The following SAFB variants were observed in gnomAD, a reference collection of about 807,000 sequenced individuals.
SAFB encodes scaffold attachment factor B1.
A neutral mutation model predicts 101.6 loss-of-function variants in SAFB; 15 were observed. That is an observed-to-expected ratio of 0.15 (90% CI 0.10 to 0.23). SAFB has a LOEUF of 0.23. Among genes scored for constraint, SAFB ranks in the 10% least tolerant of loss-of-function variants. SAFB has a pLI of 1.00. For synonymous variants in SAFB, 449 were observed against 407.5 expected (o/e 1.10, Z -1.23); for missense variants, 930 against 1,104.1 (o/e 0.84, Z 2.23).
At chr19:5,654,583 A>G (rs2054012262) in intron 13 of SAFB, 127 bp downstream of exon 13, 2 of 701,024 alleles carry the variant, frequency 2.9e-6, no homozygotes, top group Non-Finnish European at 5.1e-6. Flanking sequence ...AAATGTAGAA[A>G]TCTCAAACTA....
In SAFB at chr19:5,623,146, G is replaced by A. The variant is rs755959592; in HGVS notation, c.-60G>A. On this transcript the variant is annotated 5_prime_UTR_variant, in exon 1 of 21. Coordinates refer to ENST00000588852, the MANE Select transcript of SAFB (RefSeq NM_001201338.2). The stretch of plus-strand genomic sequence containing the variant: ...CGCAGGCGGCGCCATTTTGTGCTAG[G>A]AGCCTGATAAAACCGGCCCGGTTCT... 160 of 1,510,504 alleles carry A rather than the reference G, an allele frequency of 1.1e-4. No homozygotes were observed. Among genetic ancestry groups the A allele is most frequent in the Non-Finnish European group, 1.4e-4 (157 of 1,115,036 alleles). 93.6% of individuals were successfully genotyped at this position (1,510,504 alleles called of 1,614,324 possible). A position where few individuals can be genotyped will look rare whatever the true frequency, so the allele number is the denominator to read the frequency against.
intron 2 of SAFB, among the ~76,000 whole-genome samples, chr19:5,640,711 T>A (rs1369831223): frequency 6.6e-6 from 1 of 151,952 alleles, no homozygotes; most frequent in Non-Finnish European, 1.5e-5. Context: ...TGCCTCCGCC[T>A]CCTGAGTAGC....
chr19:5,625,266 C>T (rs2053333183), intron 1 of SAFB, among the ~76,000 whole-genome samples: 1 of 152,202 alleles, frequency 6.6e-6, no homozygotes, highest in Non-Finnish European at 1.5e-5. Flanking sequence ...GGAAACAGGA[C>T]ACCTGCCTAG....
chr19:5,655,550 ACT>A (rs1164402392), intron 13 of SAFB, among the ~76,000 whole-genome samples: 2 of 151,400 alleles, frequency 1.3e-5, no homozygotes, highest in African/African-American at 4.9e-5. Flanking sequence ...AACTGGGGAC[ACT>A]CTGAGAGCCA....
rs1568285972 is a variant in SAFB at position 5,667,998 on chromosome 19, C to CG, written c.2624+113dup. Reference sequence around the variant, plus strand: ...CTAGTGCCCCTCCCCCCAAGGGTGACGTGAGGCCAGGCATGGGGTACTGTG... The same window carrying CG: ...CTAGTGCCCCTCCCCCCAAGGGTGACGGTGAGGCCAGGCATGGGGTACTGTG... On this transcript the variant is annotated intron_variant, in intron 20 of 20. Coordinates refer to ENST00000588852, the MANE Select transcript of SAFB (RefSeq NM_001201338.2). The surrounding 1 kb of genome is among the most constrained non-coding windows in gnomAD (Gnocchi z 4.0). 15 of 1,420,226 alleles carry CG rather than the reference C, an allele frequency of 1.1e-5. No individual in the cohort carries two copies. Among genetic ancestry groups the CG allele is most frequent in the Non-Finnish European group, 1.3e-5 (14 of 1,046,264 alleles). The allele number at this position is 1,420,226 out of a possible 1,614,324, so 88.0% of individuals were successfully genotyped here.
At chr19:5,631,319 A>C (rs1198802854) in intron 2 of SAFB, among the ~76,000 whole-genome samples, 4 of 152,234 alleles carry the variant, frequency 2.6e-5, no homozygotes, top group African/African-American at 9.6e-5. Context: ...AGTTTTACCC[A>C]TTCTAGAACT....
Position 5,667,268 on chromosome 19 carries a change from C to T in SAFB, c.2454-79C>T. ...AGGGTGGGAAACACAGAGGGATTCA[C>T]TCTCCAGAAGCCGCCACAGTTATTA... On this transcript the variant is annotated intron_variant, in intron 18 of 20. Transcript: ENST00000588852. The surrounding 1 kb of genome is among the most constrained non-coding windows in gnomAD (Gnocchi z 4.0). 7.7e-7 allele frequency: 1 copy of T among 1,295,268 alleles called. No individual in the cohort carries two copies. The highest frequency in any genetic ancestry group is 1.1e-6 in the Non-Finnish European group (1 of 951,350). The allele number at this position is 1,295,268 out of a possible 1,614,324, so 80.2% of individuals were successfully genotyped here.
At chr19:5,631,438 T>C (rs1396988765) in intron 2 of SAFB, among the ~76,000 whole-genome samples, 2 of 152,240 alleles carry the variant, frequency 1.3e-5, no homozygotes, top group Non-Finnish European at 2.9e-5. Flanking sequence ...CATTTTGATA[T>C]CTGATAGGGC....
intron 2 of SAFB, among the ~76,000 whole-genome samples, chr19:5,629,315 C>T (rs1742201808): frequency 6.6e-6 from 1 of 152,050 alleles, no homozygotes; most frequent in South Asian, 2.1e-4. Flanking sequence ...CCTGTAGTCC[C>T]AGCTACTAGG....
chr19:5,626,397 C>CT lies in SAFB; in HGVS notation c.190-3dup. 6.4e-7 allele frequency: 1 copy of CT among 1,572,132 alleles called. No homozygotes were observed. The highest frequency in any genetic ancestry group is 8.8e-7 in the Non-Finnish European group (1 of 1,142,100). ...TTTGGATCAACTTTACTTTTCCCTT[C>CT]TTTTTAGGCAATTGAAGATGAAGGT... On this transcript the variant is annotated splice_region_variant and splice_polypyrimidine_tract_variant and intron_variant, in intron 1 of 20. Transcript: ENST00000588852.
At chr19:5,624,706 T>TTTC (rs1555693927) in intron 1 of SAFB, among the ~76,000 whole-genome samples, 3 of 148,402 alleles carry the variant, frequency 2.0e-5, no homozygotes, top group Admixed American at 6.7e-5. Context: ...TTTTTTTTTT[T>TTTC]CCTGATGAGA....
intron 8 of SAFB, 56 bp from the exon 9 acceptor site, chr19:5,650,922 A>G (rs2053925004): frequency 8.9e-7 from 1 of 1,117,574 alleles, no homozygotes; most frequent in African/African-American, 1.6e-5. Context: ...GGTTGTCTCT[A>G]AGACTCAAGA....
Position 5,649,192 on chromosome 19 carries a change from G to A in SAFB, c.841G>A (p.Ala281Thr). The A allele has an allele frequency of 5.5e-6, 2 of 362,806 alleles. No homozygotes were observed. The highest frequency in any genetic ancestry group is 6.3e-5 in the Admixed American group (1 of 15,810). 22.5% of individuals were successfully genotyped at this position (362,806 alleles called of 1,614,324 possible). The change falls in exon 7 of 21, where the codon GCT (alanine) becomes ACT (threonine). Residue 281 changes from alanine to threonine, a missense_variant. This residue lies in a region of SAFB where 130 missense variants were observed against 114.2 expected (regional missense o/e 1.14). Coordinates refer to ENST00000588852, the MANE Select transcript of SAFB (RefSeq NM_001201338.2). ...TTTGGCCAGCGAGTCAACAGCACAC[G>A]CTCAGTCGAGCAAGGCAGACAGCCT... ...LDLASESTAH[A>T]QSSKADSLLA...
intron 17 of SAFB, chr19:5,665,711 A>G (rs1226731023): frequency 3.3e-5 from 5 of 152,058 alleles, no homozygotes; most frequent in Non-Finnish European, 5.9e-5. Flanking sequence ...CCTCACATAC[A>G]CAGTCATAAA....
chr19:5,660,785 A>C (rs1383983989), intron 14 of SAFB, among the ~76,000 whole-genome samples: 1 of 151,480 alleles, frequency 6.6e-6, no homozygotes, highest in African/African-American at 2.4e-5. Context: ...AAATGCACTA[A>C]AATGTCATCT....
At chr19:5,659,402 G>C (rs917946318) in intron 14 of SAFB, among the ~76,000 whole-genome samples, 1 of 150,450 alleles carries the variant, frequency 6.6e-6, no homozygotes, top group Non-Finnish European at 1.5e-5. Flanking sequence ...TTTTTTCCGA[G>C]ACGGAATCTT....
At chr19:5,633,758 G>A (rs1261118691) in intron 2 of SAFB, among the ~76,000 whole-genome samples, 6 of 150,204 alleles carry the variant, frequency 4.0e-5, no homozygotes, top group Admixed American at 2.0e-4. Context: ...CAGCCTGGGC[G>A]ACAGAGCGAG....
chr19:5,629,305 C>T (rs548349728), intron 2 of SAFB, among the ~76,000 whole-genome samples: 2 of 152,268 alleles, frequency 1.3e-5, no homozygotes, highest in South Asian at 4.1e-4. Context: ...GTGGCACACA[C>T]CTGTAGTCCC....
chr19:5,664,716 G>A (rs1021063649), intron 17 of SAFB: 8 of 400,164 alleles, frequency 2.0e-5, no homozygotes, highest in African/African-American at 1.6e-4. Flanking sequence ...CAGTGCCAGG[G>A]AACCTTGGGA....
Sources: gnomAD v4.1 joint callset for allele counts (sites outside exome capture counted in the v4.1 genomes callset) on GRCh38, gnomAD v4.1.1 for gene constraint, gnomAD v4.1.1 regional missense constraint, Gnocchi (gnomAD v3.1) non-coding constraint, MANE v1.5 for transcripts, NCBI Gene and HGNC (gene_info 2026-07-23, HGNC 2026-07-21) for gene names.